DMXL2: variants seen among roughly 807,000 people sequenced by gnomAD.
DMXL2 encodes dmX-like protein 2.
Under a neutral mutation model 331.1 loss-of-function variants are expected in DMXL2, and 103 were observed. That is an observed-to-expected ratio of 0.31 (90% CI 0.27 to 0.37). The LOEUF (loss-of-function observed/expected upper bound fraction) is 0.37. Ranked by LOEUF, DMXL2 falls within the 10% of genes least tolerant of loss-of-function variation. DMXL2 has a pLI of 1.00. For synonymous variants in DMXL2, 1,281 were observed against 1,252.1 expected (o/e 1.02, Z -0.49); for missense variants, 3,171 against 3,642.9 (o/e 0.87, Z 3.33).
intron 15 of DMXL2, among the ~76,000 whole-genome samples, chr15:51,508,667 C>A (rs1225226722): frequency 2.0e-5 from 3 of 152,116 alleles, no homozygotes; most frequent in African/African-American, 4.8e-5. Context: ...AATCCAACAA[C>A]AACAATAAAT....
chr15:51,591,668 G>A (rs1408907115), intron 1 of DMXL2, among the ~76,000 whole-genome samples: 1 of 152,172 alleles, frequency 6.6e-6, no homozygotes, highest in African/African-American at 2.4e-5. Flanking sequence ...GCCTAACTGG[G>A]AGGCACCCCC....
chr15:51,605,517 C>CTTTTTTTTTTTTTTTTTT lies in DMXL2; in HGVS notation c.87+16924_87+16941dup, dbSNP rs58113467. ...GGCCCAGCCCATACAGATTAATATT[C>CTTTTTTTTTTTTTTTTTT]TTTTTTTTTTTTTTTTTTTTTTTTT... On this transcript the variant is annotated intron_variant, in intron 1 of 43. Coordinates refer to ENST00000560891, the MANE Select transcript of DMXL2 (RefSeq NM_001378457.1). 9.0e-5 allele frequency among the ~76,000 whole-genome samples: 2 copies of CTTTTTTTTTTTTTTTTTT among 22,190 alleles called. 1 individual carries two copies. Among genetic ancestry groups the CTTTTTTTTTTTTTTTTTT allele is most frequent in the Non-Finnish European group, 2.3e-4 (2 of 8,538 alleles). 14.6% of individuals were successfully genotyped at this position (22,190 alleles called of 152,430 possible). A position where few individuals can be genotyped will look rare whatever the true frequency, so the allele number is the denominator to read the frequency against.
intron 9 of DMXL2, among the ~76,000 whole-genome samples, chr15:51,539,340 A>G (rs747134073): frequency 1.1e-4 from 17 of 152,244 alleles, no homozygotes; most frequent in Non-Finnish European, 1.8e-4. Flanking sequence ...TGAAGAATAT[A>G]AAAGTATTAA....
chr15:51,572,306 CA>C (rs2050728197), intron 2 of DMXL2, among the ~76,000 whole-genome samples: 1 of 146,340 alleles, frequency 6.8e-6, no homozygotes, highest in African/African-American at 2.5e-5. Context: ...GCCTACCAAC[CA>C]AAAAAAGTCC....
At chr15:51,607,135 G>C (rs529993504) in intron 1 of DMXL2, among the ~76,000 whole-genome samples, 2 of 150,740 alleles carry the variant, frequency 1.3e-5, no homozygotes, top group South Asian at 4.2e-4. Context: ...TCCAGAGCCT[G>C]GGTGACAGAG....
chr15:51,478,761 CACTT>C (rs2041787848), intron 25 of DMXL2, among the ~76,000 whole-genome samples: 1 of 151,990 alleles, frequency 6.6e-6, no homozygotes, highest in Non-Finnish European at 1.5e-5. Flanking sequence ...TGAAAATAAA[CACTT>C]AATCTTATCA....
intron 1 of DMXL2, among the ~76,000 whole-genome samples, chr15:51,596,806 C>A (rs1318638130): frequency 6.6e-6 from 1 of 152,118 alleles, no homozygotes; most frequent in African/African-American, 2.4e-5. Flanking sequence ...TCATTCTCAG[C>A]TAACTATCGC....
chr15:51,549,061 C>T (rs939947701), intron 6 of DMXL2, among the ~76,000 whole-genome samples: 1 of 151,876 alleles, frequency 6.6e-6, no homozygotes, highest in African/African-American at 2.4e-5. Context: ...CACCCATCGC[C>T]CAAGCAGTAT....
At chr15:51,556,267 C>T (rs1325021120) in intron 6 of DMXL2, among the ~76,000 whole-genome samples, 1 of 149,004 alleles carries the variant, frequency 6.7e-6, no homozygotes, top group Admixed American at 6.8e-5. Flanking sequence ...GGCGTGAACC[C>T]AGGAGGCAGA....
chr15:51,480,276 C>T, intron 24 of DMXL2, 137 bp from the exon 25 acceptor site: 1 of 884,804 alleles, frequency 1.1e-6, no homozygotes, highest in African/African-American at 1.7e-5. Flanking sequence ...ATTGAGCACC[C>T]AGTATGTACC....
chr15:51,533,237 G>C (rs2048104728), intron 13 of DMXL2, among the ~76,000 whole-genome samples: 1 of 152,082 alleles, frequency 6.6e-6, no homozygotes, highest in Non-Finnish European at 1.5e-5. Flanking sequence ...TGCCCAGGCT[G>C]GTCTTGAACT....
chr15:51,506,615 G>A (rs566235379), intron 16 of DMXL2, among the ~76,000 whole-genome samples: 1,660 of 151,866 alleles, frequency 0.011, 14 homozygotes, highest in Middle Eastern at 0.037. Flanking sequence ...CACCACGCCC[G>A]GCTAATTTTT....
chr15:51,474,612 C>A lies in DMXL2; in HGVS notation c.6965-20G>T. 1.3e-6 allele frequency: 2 copies of A among 1,569,368 alleles called. No individual in the cohort carries two copies. The highest frequency in any genetic ancestry group is 1.8e-4 in the Middle Eastern group (1 of 5,642). Reference sequence around the variant, plus strand: ...TCACACCTATAAGGGTATATAAAATCATAAGACGTATGTCAGGATGAAGCA... The same window carrying A: ...TCACACCTATAAGGGTATATAAAATAATAAGACGTATGTCAGGATGAAGCA... On this transcript the variant is annotated intron_variant, in intron 27 of 43. Coordinates refer to ENST00000560891, the MANE Select transcript of DMXL2 (RefSeq NM_001378457.1).
chr15:51,610,058 G>A (rs1309107290), intron 1 of DMXL2, among the ~76,000 whole-genome samples: 1 of 152,056 alleles, frequency 6.6e-6, no homozygotes, highest in Non-Finnish European at 1.5e-5. Context: ...GTATTTGGAA[G>A]AACGATCTGA....
chr15:51,590,149 A>C (rs928914717), intron 1 of DMXL2, among the ~76,000 whole-genome samples: 6 of 152,144 alleles, frequency 3.9e-5, no homozygotes, highest in African/African-American at 1.4e-4. Context: ...AGAATTTAAT[A>C]CCAAAAGCCA....
intron 1 of DMXL2, among the ~76,000 whole-genome samples, chr15:51,587,815 T>A (rs7495962): frequency 0.48 from 72,442 of 151,836 alleles, 17,645 homozygotes; most frequent in Non-Finnish European, 0.52. Flanking sequence ...TTTCTCCACA[T>A]CCTCTCCAGC....
rs199742786 is a variant in DMXL2, at chr15:51,536,290, T to C, written c.2190A>G (p.Val730=). 2 of 1,614,118 alleles carry C rather than the reference T, an allele frequency of 1.2e-6. No homozygotes were observed. Among genetic ancestry groups the C allele is most frequent in the African/African-American group, 2.7e-5 (2 of 75,050 alleles). ...AIYSELILWR[V]DPIGPLSYTG... Reference sequence around the variant, plus strand: ...TGTATGACAAAGGTCCTATTGGGTCTACACGCCACAGAATAAGTTCACTGT... The same window carrying C: ...TGTATGACAAAGGTCCTATTGGGTCCACACGCCACAGAATAAGTTCACTGT... Residue 730 remains valine, a synonymous_variant, in exon 12 of 44, where the codon GTA becomes GTG. Transcript: ENST00000560891.
rs780634409 is a variant in DMXL2, at chr15:51,481,256, A to G, written c.5850T>C (p.Ile1950=). 1 of 1,613,870 alleles carries G rather than the reference A, an allele frequency of 6.2e-7. No individual in the cohort carries two copies. Among genetic ancestry groups the G allele is most frequent in the Non-Finnish European group, 8.5e-7 (1 of 1,179,904 alleles). ...GTGATGAAGTTACATTTGACCATTC[A>G]ATGCCAGAACTTCCATTGCCATCAC... ...ALSDGNGSSG[I]EWSNVTSSQY... is the part of the protein sequence containing the mutation. Residue 1950 remains isoleucine (I), a synonymous_variant, in exon 24 of 44, where the codon ATT becomes ATC. Transcript: ENST00000560891.
At chr15:51,459,543 C>A in intron 34 of DMXL2, 55 bp downstream of exon 34, 7 of 1,267,350 alleles carry the variant, frequency 5.5e-6, no homozygotes, top group Non-Finnish European at 6.2e-6. Context: ...AGAGATGAGG[C>A]GTTAGCTCCT....
Sources: gnomAD v4.1 joint callset for allele counts (sites outside exome capture counted in the v4.1 genomes callset) on GRCh38, gnomAD v4.1.1 for gene constraint, MANE v1.5 for transcripts, NCBI Gene and HGNC (gene_info 2026-07-23, HGNC 2026-07-21) for gene names.